NCAM2: variants seen among roughly 807,000 people sequenced by gnomAD.
NCAM2 encodes the protein neural cell adhesion molecule 2, also known as N-CAM-2.
NCAM2 carries 30 observed loss-of-function variants against 98.1 expected under a neutral mutation model. The ratio of observed to expected loss-of-function variants is 0.31; its 90% CI spans 0.23 to 0.41. NCAM2 has a LOEUF of 0.41. NCAM2 is among the 10% of genes least tolerant of loss of function. NCAM2 has a pLI of 1.00. For synonymous variants in NCAM2, 368 were observed against 342.4 expected (o/e 1.07, Z -0.83); for missense variants, 867 against 1,005.8 (o/e 0.86, Z 1.87).
At chr21:21,238,246 C>G (rs1023604107) in intron 1 of NCAM2, among the ~76,000 whole-genome samples, 1 of 151,850 alleles carries the variant, frequency 6.6e-6, no homozygotes, top group African/African-American at 2.4e-5. Context: ...GATGAGCCAC[C>G]GCGACCACCC....
chr21:21,440,898 T>G (rs1456786540), intron 12 of NCAM2, among the ~76,000 whole-genome samples: 1 of 152,210 alleles, frequency 6.6e-6, no homozygotes, highest in Non-Finnish European at 1.5e-5. Context: ...CTTTTCTGTT[T>G]GTTTAAGACA....
chr21:21,464,458 T>C (rs983879725), intron 12 of NCAM2, among the ~76,000 whole-genome samples: 28 of 152,054 alleles, frequency 1.8e-4, no homozygotes, highest in Admixed American at 7.2e-4. Flanking sequence ...TAATAAAATA[T>C]TGTGATTTTT....
intron 1 of NCAM2, among the ~76,000 whole-genome samples, chr21:21,247,393 T>G (rs985068804): frequency 1.3e-5 from 2 of 152,202 alleles, no homozygotes; most frequent in South Asian, 4.1e-4. Context: ...AGGAAATCTA[T>G]TAAAGAGAAA....
intron 1 of NCAM2, among the ~76,000 whole-genome samples, chr21:21,160,120 C>T (rs73894486): frequency 1.0e-3 from 154 of 151,882 alleles, no homozygotes; most frequent in African/African-American, 3.4e-3. Flanking sequence ...ATATATGTAC[C>T]GTGTAAATTT....
chr21:21,192,261 C>A (rs879511765), intron 1 of NCAM2, among the ~76,000 whole-genome samples: 2 of 151,166 alleles, frequency 1.3e-5, no homozygotes, highest in African/African-American at 4.9e-5. Flanking sequence ...TAAAAAAAAA[C>A]CCGATGAGAG....
intron 1 of NCAM2, among the ~76,000 whole-genome samples, chr21:21,265,093 A>G (rs2072148883): frequency 1.5e-5 from 1 of 68,206 alleles, no homozygotes; most frequent in Non-Finnish European, 2.7e-5. Flanking sequence ...CATATATTAT[A>G]TATACATATA....
intron 1 of NCAM2, chr21:21,239,320 A>G (rs2070971018): frequency 6.6e-6 from 1 of 152,150 alleles, no homozygotes; most frequent in South Asian, 2.1e-4. Context: ...ATCCAAGTAG[A>G]CATCTAGAGC....
chr21:21,521,470 G>T (rs1437864277), intron 16 of NCAM2, among the ~76,000 whole-genome samples: 3 of 152,176 alleles, frequency 2.0e-5, no homozygotes, highest in Non-Finnish European at 4.4e-5. Flanking sequence ...TGATGGCGAT[G>T]TTGGAATTAT....
chr21:21,314,753 A>G (rs1327030747), intron 5 of NCAM2, among the ~76,000 whole-genome samples: 1 of 140,096 alleles, frequency 7.1e-6, no homozygotes, highest in African/African-American at 2.8e-5. Context: ...CAGCACATCC[A>G]TGAATTTTGT....
intron 12 of NCAM2, among the ~76,000 whole-genome samples, chr21:21,436,010 G>A (rs994668908): frequency 6.6e-6 from 1 of 152,152 alleles, no homozygotes; most frequent in African/African-American, 2.4e-5. Flanking sequence ...AACGTTGTAA[G>A]ATATGTGTGT....
At chr21:21,028,661 G>A (rs750684811) in intron 1 of NCAM2, among the ~76,000 whole-genome samples, 2 of 152,140 alleles carry the variant, frequency 1.3e-5, no homozygotes, top group African/African-American at 4.8e-5. Flanking sequence ...GCAGAATTAC[G>A]CAAGACAAAA....
intron 11 of NCAM2, among the ~76,000 whole-genome samples, chr21:21,424,063 A>T (rs1471721323): frequency 6.6e-6 from 1 of 152,208 alleles, no homozygotes; most frequent in Non-Finnish European, 1.5e-5. Context: ...ACCTAAATAT[A>T]ACGGCAGGAT....
chr21:21,436,737 A>C (rs1978382205), intron 12 of NCAM2, among the ~76,000 whole-genome samples: 1 of 151,266 alleles, frequency 6.6e-6, no homozygotes, highest in South Asian at 2.1e-4. Flanking sequence ...CCCTTCCAAT[A>C]AGTATGTGTC....
At chr21:21,331,838 T>C (rs973508050) in intron 6 of NCAM2, among the ~76,000 whole-genome samples, 70 of 150,288 alleles carry the variant, frequency 4.7e-4, no homozygotes, top group Non-Finnish European at 1.0e-3. Flanking sequence ...CCATCTGCCT[T>C]GGCATCCCAA....
chr21:21,279,471 G>C (rs1222439815), intron 1 of NCAM2, among the ~76,000 whole-genome samples: 1 of 152,090 alleles, frequency 6.6e-6, no homozygotes, highest in East Asian at 1.9e-4. Flanking sequence ...CAATTCTCCT[G>C]CCTCAGGCTC....
chr21:21,244,844 T>TG (rs372759092), intron 1 of NCAM2, among the ~76,000 whole-genome samples: 44 of 99,944 alleles, frequency 4.4e-4, no homozygotes, highest in South Asian at 8.2e-4. Flanking sequence ...AGACTCTGTC[T>TG]AAAAAAAAAA....
chr21:21,049,221 T>A (rs1180836055), intron 1 of NCAM2, among the ~76,000 whole-genome samples: 1 of 145,444 alleles, frequency 6.9e-6, no homozygotes, highest in African/African-American at 2.5e-5. Context: ...GGGTTTCACC[T>A]TGTTAGCCAG....
intron 1 of NCAM2, among the ~76,000 whole-genome samples, chr21:21,048,493 A>G (rs2065042102): frequency 6.6e-6 from 1 of 152,034 alleles, no homozygotes; most frequent in Non-Finnish European, 1.5e-5. Context: ...AGCTGGGACT[A>G]CAGGTGCCCG....
At chr21:21,054,502 A>C (rs1008560667) in intron 1 of NCAM2, among the ~76,000 whole-genome samples, 1 of 152,044 alleles carries the variant, frequency 6.6e-6, no homozygotes, top group Admixed American at 6.5e-5. Context: ...ATTTAAAGGC[A>C]TGGTTTATAA....
Sources: gnomAD v4.1 joint callset for allele counts (sites outside exome capture counted in the v4.1 genomes callset) on GRCh38, gnomAD v4.1.1 for gene constraint, MANE v1.5 for transcripts, NCBI Gene and HGNC (gene_info 2026-07-23, HGNC 2026-07-21) for gene names.